The following OSBPL10 variants were observed in gnomAD, a reference collection of about 807,000 sequenced individuals.
The protein encoded by OSBPL10 is oxysterol-binding protein-related protein 10.
Under a neutral mutation model 81.7 loss-of-function variants are expected in OSBPL10, and 49 were observed. The observed-to-expected ratio is 0.60, with a 90% CI of 0.48 to 0.76. The LOEUF (loss-of-function observed/expected upper bound fraction) is 0.76. Ranked by LOEUF, OSBPL10 falls within the 30% of genes least tolerant of loss-of-function variation. OSBPL10 has a pLI of 0.00. For missense variants in OSBPL10, 923 were observed against 987.8 expected, an observed-to-expected ratio of 0.93 and a Z score of 0.88; for synonymous variants, 419 against 383.6, an observed-to-expected ratio of 1.09 and a Z score of -1.08.
chr3:31,928,762 C>CCAAAAAAAAAAAAAAAAAAAAAAA (rs768296819), intron 1 of OSBPL10, among the ~76,000 whole-genome samples: 2 of 95,060 alleles, frequency 2.1e-5, no homozygotes, highest in African/African-American at 6.5e-5. Context: ...GACTTGTCTC[C>CCAAAAAAAAAAAAAAAAAAAAAAA]AAAAAAAAAA....
chr3:31,685,701 TC>T (rs1408914986), intron 7 of OSBPL10, among the ~76,000 whole-genome samples: 1 of 152,142 alleles, frequency 6.6e-6, no homozygotes, highest in East Asian at 1.9e-4. Context: ...CTTTCTGCAG[TC>T]CCTCACTCCC....
chr3:31,769,460 AAAAAAAAAAC>A (rs1169327147), intron 4 of OSBPL10, among the ~76,000 whole-genome samples: 935 of 81,186 alleles, frequency 0.012, 219 homozygotes, highest in African/African-American at 0.03. Flanking sequence ...AAAAAAAAAC[AAAAAAAAAAC>A]AAAAAAAAAC....
chr3:31,855,457 G>A (rs992730249), intron 3 of OSBPL10, among the ~76,000 whole-genome samples: 9 of 152,076 alleles, frequency 5.9e-5, no homozygotes, highest in Admixed American at 2.0e-4. Flanking sequence ...ATTTACTGTT[G>A]TTCTCTAGCC....
intron 1 of OSBPL10, among the ~76,000 whole-genome samples, chr3:31,921,689 C>T (rs372827444): frequency 2.4e-4 from 37 of 152,272 alleles, no homozygotes; most frequent in African/African-American, 7.7e-4. Context: ...AAAACCATTC[C>T]CTCAAGAAGG....
chr3:31,901,475 A>C (rs1321243746), intron 1 of OSBPL10, among the ~76,000 whole-genome samples: 1 of 151,944 alleles, frequency 6.6e-6, no homozygotes, highest in Non-Finnish European at 1.5e-5. Flanking sequence ...TCTCTTCCCT[A>C]CTCTTGGTCT....
intron 2 of OSBPL10, among the ~76,000 whole-genome samples, chr3:31,878,069 C>CT (rs566565402): frequency 6.6e-5 from 10 of 152,078 alleles, no homozygotes; most frequent in South Asian, 6.2e-4. Flanking sequence ...TTTATCCTGA[C>CT]TTTTTTTTAT....
chr3:31,666,721 T>C (rs966596251), intron 10 of OSBPL10, among the ~76,000 whole-genome samples: 5 of 152,228 alleles, frequency 3.3e-5, no homozygotes, highest in Admixed American at 3.3e-4. Context: ...TTTCTTCCTA[T>C]ACATTACATA....
intron 1 of OSBPL10, among the ~76,000 whole-genome samples, chr3:31,977,153 C>T (rs1698715620): frequency 1.3e-5 from 2 of 152,104 alleles, no homozygotes; most frequent in South Asian, 2.1e-4. Context: ...TCCTGTGATC[C>T]TCATCTCCAC....
chr3:31,925,417 A>G (rs1697044356), intron 1 of OSBPL10, among the ~76,000 whole-genome samples: 1 of 151,552 alleles, frequency 6.6e-6, no homozygotes, highest in African/African-American at 2.4e-5. Flanking sequence ...TAAACACATC[A>G]CTTGCCCACA....
chr3:31,791,087 GAA>G (rs34008735), intron 4 of OSBPL10, among the ~76,000 whole-genome samples: 4 of 151,260 alleles, frequency 2.6e-5, no homozygotes, highest in African/African-American at 7.3e-5. Flanking sequence ...AAATGTCATG[GAA>G]AAAAAAAATA....
At position 31,830,148 on chromosome 3, in the gene OSBPL10, G is replaced by A. The variant is rs973265511; in HGVS notation, c.621C>T (p.His207=). Reference sequence around the variant, plus strand: ...CAACACCGGGGGCCCCCACACTGAGGTGTCTCTGGCTACAGGGAGACGCAG... The same window carrying A: ...CAACACCGGGGGCCCCCACACTGAGATGTCTCTGGCTACAGGGAGACGCAG... The part of the protein sequence containing the change: ...PNSASPCSQR[H]LSVGAPGVVT... Residue 207 remains histidine, a synonymous_variant, in exon 4 of 12, where the codon CAC becomes CAT. Transcript: ENST00000396556. 5 of 1,614,056 alleles carry A rather than the reference G, an allele frequency of 3.1e-6. No homozygotes were observed. Among genetic ancestry groups the A allele is most frequent in the Non-Finnish European group, 4.2e-6 (5 of 1,180,026 alleles).
chr3:31,902,258 ATTTTTT>A (rs574112153), intron 1 of OSBPL10, among the ~76,000 whole-genome samples: 2 of 117,958 alleles, frequency 1.7e-5, no homozygotes, highest in East Asian at 2.6e-4. Context: ...TCTTGTCAGT[ATTTTTT>A]TTTTTTTTTT....
intron 5 of OSBPL10, among the ~76,000 whole-genome samples, chr3:31,747,615 A>AT (rs1045002548): frequency 6.6e-6 from 1 of 151,992 alleles, no homozygotes. Flanking sequence ...TGTTAGTTAC[A>AT]TTTTTCATAA....
chr3:31,728,450 A>AT, intron 6 of OSBPL10, among the ~76,000 whole-genome samples: 1 of 152,162 alleles, frequency 6.6e-6, no homozygotes, highest in Non-Finnish European at 1.5e-5. Flanking sequence ...ACACAACATT[A>AT]TTTTTCATTG....
chr3:31,667,283 G>A (rs1285274050), intron 10 of OSBPL10, among the ~76,000 whole-genome samples: 1 of 152,158 alleles, frequency 6.6e-6, no homozygotes, highest in Non-Finnish European at 1.5e-5. Context: ...CTGCCCAACA[G>A]GATGGACTGA....
At chr3:31,679,391 G>C (rs773184669) in intron 8 of OSBPL10, among the ~76,000 whole-genome samples, 3 of 152,182 alleles carry the variant, frequency 2.0e-5, no homozygotes, top group Admixed American at 6.5e-5. Context: ...CGGGGGCAGG[G>C]AATCTGTGTG....
chr3:31,969,425 T>C (rs1235822345), intron 1 of OSBPL10: 1 of 152,300 alleles, frequency 6.6e-6, no homozygotes, highest in Non-Finnish European at 1.5e-5. Flanking sequence ...GTTAGGGTTT[T>C]GGAAGAGGAA....
At chr3:31,903,968 C>T (rs185280674) in intron 1 of OSBPL10, among the ~76,000 whole-genome samples, 1 of 152,086 alleles carries the variant, frequency 6.6e-6, no homozygotes, top group African/African-American at 2.4e-5. Context: ...GAATCACCTC[C>T]TCAAAGGATT....
At chr3:31,880,609 GC>G (rs1015891247) in intron 1 of OSBPL10, among the ~76,000 whole-genome samples, 3 of 152,172 alleles carry the variant, frequency 2.0e-5, no homozygotes, top group African/African-American at 7.2e-5. Flanking sequence ...TCTTACTGTG[GC>G]CTTGAGGCCC....
Sources: gnomAD v4.1 joint callset for allele counts (sites outside exome capture counted in the v4.1 genomes callset) on GRCh38, gnomAD v4.1.1 for gene constraint, MANE v1.5 for transcripts, NCBI Gene and HGNC (gene_info 2026-07-23, HGNC 2026-07-21) for gene names.